The following ZNF518A variants were observed in gnomAD, a reference collection of about 807,000 sequenced individuals.
ZNF518A encodes the protein zinc finger protein 518.
ZNF518A carries 47 observed loss-of-function variants against 102.7 expected under a neutral mutation model. That is an observed-to-expected ratio of 0.46 (90% CI 0.36 to 0.58). The LOEUF is 0.58. Among genes scored for constraint, ZNF518A ranks in the 20% least tolerant of loss-of-function variants. The pLI is 0.00. For synonymous variants in ZNF518A, 652 were observed against 594.6 expected (o/e 1.10, Z -1.40); for missense variants, 1,793 against 1,699.8 (o/e 1.05, Z -0.96).
chr10:96,145,623 G>A (rs917833943), intron 3 of ZNF518A, among the ~76,000 whole-genome samples: 2 of 152,208 alleles, frequency 1.3e-5, no homozygotes, highest in Non-Finnish European at 1.5e-5. Flanking sequence ...GACTGGGTAC[G>A]TGTGTGTTGA....
intron 3 of ZNF518A, among the ~76,000 whole-genome samples, chr10:96,137,192 C>T (rs2081640969): frequency 1.3e-5 from 2 of 152,208 alleles, no homozygotes; most frequent in Non-Finnish European, 1.5e-5. Context: ...CTCTTCAGCT[C>T]GTTCACTAGA....
At chr10:96,170,101 C>T (rs1215731910) in intron 1 of ZNF518A, among the ~76,000 whole-genome samples, 3 of 152,194 alleles carry the variant, frequency 2.0e-5, no homozygotes, top group Non-Finnish European at 4.4e-5. Flanking sequence ...CTTCTCACAT[C>T]TTTTCTAAGC....
intron 1 of ZNF518A, among the ~76,000 whole-genome samples, chr10:96,196,580 A>T (rs2083471617): frequency 6.6e-6 from 1 of 152,120 alleles, no homozygotes; most frequent in Admixed American, 6.5e-5. Flanking sequence ...CTGGAACTTG[A>T]CCCTAATTCT....
At position 96,157,532 on chromosome 10, in the gene ZNF518A, G is replaced by A. The variant is rs587728953; in HGVS notation, c.1210G>A (p.Ala404Thr). 10 of 1,613,854 alleles carry A rather than the reference G, an allele frequency of 6.2e-6. No homozygotes were observed. The East Asian group carries it at 2.0e-4, about 32-fold the overall frequency. Residue 404 changes from alanine (A) to threonine (T), a missense_variant, in exon 6 of 6, where the codon GCT becomes ACT. Around this residue, in one of 3 missense-constraint regions of ZNF518A, gnomAD observed 1,741 missense variants for 1,622.6 expected, o/e 1.07. Coordinates refer to ENST00000316045, the MANE Select transcript of ZNF518A (RefSeq NM_001330736.2). ...TPLSTGQGNRAEEGPNASSGF... is the reference protein window; with the variant it reads ...TPLSTGQGNRTEEGPNASSGF... ...TCTGTCCACTGGGCAAGGTAATAGA[G>A]CTGAAGAGGGACCAAACGCTAGTTC...
chr10:96,190,133 GAT>G lies in ZNF518A; in HGVS notation n.36-13440_36-13439del, dbSNP rs2083305724. 3 of 994,536 alleles carry G rather than the reference GAT, an allele frequency of 3.0e-6. No individual in the cohort carries two copies. The East Asian group carries it at 7.2e-5, about 24-fold the overall frequency. The allele number at this position is 994,536 out of a possible 1,614,324, so 61.6% of individuals were successfully genotyped here. ...TTTTCATCATTATCCACCTTAAAGT[GAT>G]CATCTTTGTCGGCCTTTAGTTCACA... On this transcript the variant is annotated intron_variant and non_coding_transcript_variant, in intron 1 of 2. Coordinates refer to the ZNF518A transcript ENST00000442635.
At position 96,200,908 on chromosome 10, in the gene ZNF518A, T is replaced by C. The variant is rs2083614843; in HGVS notation, n.36-2666T>C. 7.4e-7 allele frequency: 1 copy of C among 1,346,102 alleles called. No individual in the cohort carries two copies. Among genetic ancestry groups the C allele is most frequent in the Admixed American group, 1.7e-5 (1 of 59,644 alleles). 83.4% of individuals were successfully genotyped at this position (1,346,102 alleles called of 1,614,324 possible). ...GTTCTCAAGGTTCACTCCAAATGTC[T>C]TCTTCTCAGAAGACATGCTCTTTCC... is the stretch of plus-strand genomic sequence containing the variant. On this transcript the variant is annotated intron_variant and non_coding_transcript_variant, in intron 1 of 2. Transcript: ENST00000442635. The surrounding 1 kb of genome is among the most constrained non-coding windows in gnomAD (Gnocchi z 4.3).
intron 1 of ZNF518A, among the ~76,000 whole-genome samples, chr10:96,132,381 T>A (rs1270369445): frequency 1.3e-5 from 2 of 152,074 alleles, no homozygotes; most frequent in African/African-American, 4.8e-5. Flanking sequence ...CTGAGTTAGA[T>A]TGATTCTAAG....
At chr10:96,181,176 A>C (rs2083238062) in intron 1 of ZNF518A, among the ~76,000 whole-genome samples, 1 of 152,018 alleles carries the variant, frequency 6.6e-6, no homozygotes, top group Non-Finnish European at 1.5e-5. Flanking sequence ...TCCTTCACCC[A>C]CTTTTTGATG....
At chr10:96,172,331 T>C (rs797025250) in intron 1 of ZNF518A, among the ~76,000 whole-genome samples, 9 of 152,150 alleles carry the variant, frequency 5.9e-5, no homozygotes, top group African/African-American at 2.2e-4. Context: ...TAGATGGGAA[T>C]AAAGCTATTT....
At chr10:96,151,917 T>C (rs1224084039) in intron 3 of ZNF518A, among the ~76,000 whole-genome samples, 1 of 152,226 alleles carries the variant, frequency 6.6e-6, no homozygotes, top group Non-Finnish European at 1.5e-5. Flanking sequence ...TTTAATACTT[T>C]TACAAAATTG....
rs2081969999 is a variant in ZNF518A, at chr10:96,142,308, GTGTGTGTGTGTGTGTGTGTGTGT to G, written c.-302+8661_-302+8683del. ...GCTTTGAAAGTAATATTCTTAGGGT[GTGTGTGTGTGTGTGTGTGTGTGT>G]GTGTGTGTGTGTGTGTGTGTGTGTT... On this transcript the variant is annotated intron_variant, in intron 3 of 5. Transcript: ENST00000316045. 2.5e-4 allele frequency among the ~76,000 whole-genome samples: 24 copies of G among 94,294 alleles called. No homozygotes were observed. The East Asian group carries it at 5.0e-3, about 20-fold the overall frequency. 61.9% of individuals were successfully genotyped at this position (94,294 alleles called of 152,430 possible).
chr10:96,203,236 T>C (rs1487087108), intron 1 of ZNF518A, among the ~76,000 whole-genome samples: 1 of 152,194 alleles, frequency 6.6e-6, no homozygotes, highest in Non-Finnish European at 1.5e-5. Context: ...CCTTTTTAAA[T>C]AATGAAAAAT....
chr10:96,156,443 A>C lies in ZNF518A; in HGVS notation c.121A>C (p.Ile41Leu). The C allele has an allele frequency of 6.2e-7, 1 of 1,613,314 alleles. No individual in the cohort carries two copies. The highest frequency in any genetic ancestry group is 1.3e-5 in the African/African-American group (1 of 75,048). The change falls in exon 6 of 6, where the codon ATT becomes CTT. Residue 41 changes from isoleucine to leucine, a missense_variant. Physicochemically the swap from Ile to Leu is conservative, Grantham distance 5 (BLOSUM62 2). Transcript: ENST00000316045. ...SAPKPKISGS[I>L]HYALKNVKID... ...ACCTAAACCAAAAATTTCAGGAAGT[A>C]TTCATTATGCACTAAAAAATGTGAA... is the stretch of plus-strand genomic sequence containing the variant.
chr10:96,179,229 A>C (rs2083223981), intron 1 of ZNF518A, among the ~76,000 whole-genome samples: 1 of 152,200 alleles, frequency 6.6e-6, no homozygotes, highest in Non-Finnish European at 1.5e-5. Flanking sequence ...GGCAAGAAAA[A>C]TAAAATATTC....
downstream of ZNF518A, among the ~76,000 whole-genome samples, chr10:96,165,467 A>T (rs201650372): frequency 5.1e-5 from 5 of 97,224 alleles, no homozygotes; most frequent in Non-Finnish European, 7.7e-5. Flanking sequence ...AAACAACAAC[A>T]ACCAAAAAAA....
intron 1 of ZNF518A, among the ~76,000 whole-genome samples, chr10:96,169,854 T>C (rs1554890714): frequency 6.6e-6 from 1 of 152,258 alleles, no homozygotes; most frequent in East Asian, 1.9e-4. Context: ...TAGTGACTTT[T>C]CTGAACTGAT....
At chr10:96,167,058 T>G (rs1010844143), downstream of ZNF518A, among the ~76,000 whole-genome samples, 2 of 152,144 alleles carry the variant, frequency 1.3e-5, no homozygotes, top group Non-Finnish European at 2.9e-5. Context: ...AAAATTGAGA[T>G]ATGCAAAGAA....
chr10:96,195,065 G>T (rs1027909276), intron 1 of ZNF518A, among the ~76,000 whole-genome samples: 2 of 152,000 alleles, frequency 1.3e-5, no homozygotes, highest in Admixed American at 6.6e-5. Flanking sequence ...CACCGCGCCC[G>T]GCCAGAGAAA....
Position 96,161,813 on chromosome 10 carries a change from T to C in ZNF518A, c.*1039T>C, listed in dbSNP as rs1308972770. ...ACAAAGCATTTCTGTTAGCTGCTTCTCAGTGTGACTGACAACCCAAAACAT... is the reference window on the plus strand; with the variant it reads ...ACAAAGCATTTCTGTTAGCTGCTTCCCAGTGTGACTGACAACCCAAAACAT... On this transcript the variant is annotated 3_prime_UTR_variant, in exon 6 of 6. Coordinates refer to ENST00000316045, the MANE Select transcript of ZNF518A (RefSeq NM_001330736.2). 6.0e-6 allele frequency: 1 copy of C among 167,018 alleles called. No homozygotes were observed. The highest frequency in any genetic ancestry group is 6.5e-5 in the Admixed American group (1 of 15,276). 10.3% of individuals were successfully genotyped at this position (167,018 alleles called of 1,614,324 possible). A position where few individuals can be genotyped will look rare whatever the true frequency, so the allele number is the denominator to read the frequency against.
Sources: gnomAD v4.1 joint callset for allele counts (sites outside exome capture counted in the v4.1 genomes callset) on GRCh38, gnomAD v4.1.1 for gene constraint, gnomAD v4.1.1 regional missense constraint, Gnocchi (gnomAD v3.1) non-coding constraint, MANE v1.5 for transcripts, NCBI Gene and HGNC (gene_info 2026-07-23, HGNC 2026-07-21) for gene names.